Variants in GALNT10 observed in about 807,000 individuals in gnomAD.
GALNT10 encodes the protein GalNAc transferase 10.
GALNT10 carries 41 observed loss-of-function variants against 75.0 expected under a neutral mutation model. The observed-to-expected ratio is 0.55, with a 90% CI of 0.43 to 0.71. The LOEUF (loss-of-function observed/expected upper bound fraction) is 0.71. Among genes scored for constraint, GALNT10 ranks in the 30% least tolerant of loss-of-function variants. The probability of loss-of-function intolerance (pLI) is 0.00; values close to 1 mark genes in which losing one functional copy is unlikely to be tolerated. For missense variants in GALNT10, 727 were observed against 818.5 expected, an observed-to-expected ratio of 0.89 and a Z score of 1.36; for synonymous variants, 302 against 313.0, an observed-to-expected ratio of 0.96 and a Z score of 0.37.
At position 154,282,395 on chromosome 5, in the gene GALNT10, G is replaced by A. The variant is rs971982447; in HGVS notation, c.160-12421G>A. Among the ~76,000 whole-genome samples the A allele has an allele frequency of 3.3e-5, 5 of 152,244 alleles. No individual in the cohort carries two copies. In the South Asian group the frequency reaches 1.0e-3, roughly 32 times the overall value. ...CTCCTCCACTCGCCTCTCATTGACA[G>A]AACCCAATCAAGCCACATCTAGCTA... On this transcript the variant is annotated intron_variant, in intron 1 of 11. Transcript: ENST00000297107.
In GALNT10 at chr5:154,317,831, G is replaced by A. The variant is rs143567149; in HGVS notation, c.402-11741G>A. ...TAGACCTTGGCTTCAGTCATAGCTC[G>A]ATCCGGGTCCCCGACTGATGCCAGT... On this transcript the variant is annotated intron_variant, in intron 3 of 11. Coordinates refer to ENST00000297107, the MANE Select transcript of GALNT10 (RefSeq NM_198321.4). Among the ~76,000 whole-genome samples the A allele has an allele frequency of 5.2e-3, 796 of 152,308 alleles. 10 individuals are homozygous for A. The highest frequency in any genetic ancestry group is 0.018 in the African/African-American group (744 of 41,550).
At chr5:154,204,013 T>C (rs1371882278) in intron 1 of GALNT10, among the ~76,000 whole-genome samples, 2 of 152,180 alleles carry the variant, frequency 1.3e-5, no homozygotes. Context: ...GCAAAAGCAG[T>C]CAGCAAGCTG....
At position 154,190,825 on chromosome 5, in the gene GALNT10, C is replaced by G. The variant is rs567552556; in HGVS notation, c.-42C>G. On this transcript the variant is annotated 5_prime_UTR_variant, in exon 1 of 12. Coordinates refer to ENST00000297107, the MANE Select transcript of GALNT10 (RefSeq NM_198321.4). ...GGCGGACGCGCGGAGCTGGGGGCGG[C>G]GCGGCGGGGCCGGCGGGGCGCGGCG... The G allele has an allele frequency of 1.3e-5, 14 of 1,064,274 alleles. No homozygotes were observed. Among genetic ancestry groups the G allele is most frequent in the Non-Finnish European group, 1.5e-5 (13 of 874,134 alleles). 65.9% of individuals were successfully genotyped at this position (1,064,274 alleles called of 1,614,324 possible).
At chr5:154,212,684 C>T (rs1752782803) in intron 1 of GALNT10, among the ~76,000 whole-genome samples, 1 of 152,162 alleles carries the variant, frequency 6.6e-6, no homozygotes, top group Non-Finnish European at 1.5e-5. Context: ...ATCACAGGCT[C>T]CAGGCCGGGC....
intron 2 of GALNT10, among the ~76,000 whole-genome samples, chr5:154,297,423 G>A (rs1472975832): frequency 6.6e-6 from 1 of 152,220 alleles, no homozygotes; most frequent in Non-Finnish European, 1.5e-5. Context: ...TGTTTATGAG[G>A]TGTTTTGTAG....
intron 4 of GALNT10, among the ~76,000 whole-genome samples, chr5:154,333,991 A>G (rs1397206883): frequency 2.0e-5 from 3 of 152,220 alleles, no homozygotes; most frequent in Non-Finnish European, 4.4e-5. Flanking sequence ...AATTATGGAG[A>G]GGCCTGTCTA....
intron 10 of GALNT10, among the ~76,000 whole-genome samples, chr5:154,414,679 C>T (rs1011560580): frequency 6.6e-6 from 1 of 151,510 alleles, no homozygotes; most frequent in Non-Finnish European, 1.5e-5. Flanking sequence ...GATGGTTTCT[C>T]GGTGTAAACA....
At chr5:154,284,660 G>A (rs2113059750) in intron 1 of GALNT10, among the ~76,000 whole-genome samples, 1 of 152,302 alleles carries the variant, frequency 6.6e-6, no homozygotes. Flanking sequence ...CAGCTAGACT[G>A]AGATTTTCAA....
At chr5:154,231,475 T>C (rs951843094) in intron 1 of GALNT10, among the ~76,000 whole-genome samples, 8 of 152,226 alleles carry the variant, frequency 5.3e-5, no homozygotes, top group African/African-American at 1.9e-4. Context: ...GTATGGGTTA[T>C]GAGAGGGTGG....
intron 1 of GALNT10, among the ~76,000 whole-genome samples, chr5:154,218,863 C>T (rs1214534720): frequency 1.3e-5 from 2 of 152,108 alleles, no homozygotes; most frequent in South Asian, 2.1e-4. Context: ...CAGTGCTGTT[C>T]GCCACACTGG....
rs746161155 is a variant in GALNT10 at position 154,416,995 on chromosome 5, C to A, written c.*23C>A. The A allele has an allele frequency of 5.0e-6, 8 of 1,608,950 alleles. No individual in the cohort carries two copies. In the Admixed American group the frequency reaches 1.2e-4, roughly 23 times the overall value. The stretch of plus-strand genomic sequence containing the variant: ...TGAGCCCTCATGTCCCCTTGGCAGG[C>A]CCCCCAGGGTCTGGCACTCACTGCA... On this transcript the variant is annotated 3_prime_UTR_variant, in exon 12 of 12. Coordinates refer to ENST00000297107, the MANE Select transcript of GALNT10 (RefSeq NM_198321.4). This position sits in a 1 kb window ranked among gnomAD's most constrained non-coding sequence, Gnocchi z 4.5.
intron 2 of GALNT10, among the ~76,000 whole-genome samples, chr5:154,297,006 T>G (rs150404024): frequency 1.3e-5 from 2 of 152,198 alleles, no homozygotes; most frequent in Non-Finnish European, 2.9e-5. Context: ...AGTAAATAGG[T>G]GTTGCTCAGT....
intron 1 of GALNT10, among the ~76,000 whole-genome samples, chr5:154,271,950 A>G (rs1434389301): frequency 2.0e-5 from 3 of 152,172 alleles, no homozygotes; most frequent in South Asian, 2.1e-4. Flanking sequence ...TGAGACAGCT[A>G]TTTTCTCAGG....
At chr5:154,404,820 C>T (rs183611107) in intron 8 of GALNT10, among the ~76,000 whole-genome samples, 2 of 152,142 alleles carry the variant, frequency 1.3e-5, no homozygotes, top group Non-Finnish European at 2.9e-5. Flanking sequence ...CTTCTCCTCA[C>T]CCCCTGTCTA....
intron 2 of GALNT10, among the ~76,000 whole-genome samples, chr5:154,295,366 C>T (rs924022831): frequency 6.6e-6 from 1 of 152,100 alleles, no homozygotes; most frequent in African/African-American, 2.4e-5. Flanking sequence ...AACCTCAGAT[C>T]AACCTTTATG....
intron 3 of GALNT10, among the ~76,000 whole-genome samples, chr5:154,318,341 AT>A (rs1372064075): frequency 2.6e-5 from 4 of 152,222 alleles, no homozygotes; most frequent in African/African-American, 4.8e-5. Context: ...AGAAGCCACG[AT>A]TTCAAACACC....
chr5:154,389,197 T>A lies in GALNT10; in HGVS notation c.1056+2767T>A, dbSNP rs1755856971. 2.6e-5 allele frequency: 4 copies of A among 152,052 alleles called. No homozygotes were observed. The South Asian group carries it at 8.3e-4, about 32-fold the overall frequency. The allele number at this position is 152,052 out of a possible 1,614,324, so 9.4% of individuals were successfully genotyped here. ...CAGAAAAGACACTATGAGACCAATT[T>A]TTATGAGTCATAATTTTTATTATTG... is the stretch of plus-strand genomic sequence containing the variant. On this transcript the variant is annotated intron_variant, in intron 7 of 11. Coordinates refer to ENST00000297107, the MANE Select transcript of GALNT10 (RefSeq NM_198321.4).
intron 7 of GALNT10, among the ~76,000 whole-genome samples, chr5:154,396,944 TG>T (rs757617308): frequency 1.9e-4 from 29 of 151,924 alleles, no homozygotes; most frequent in Non-Finnish European, 3.1e-4. Context: ...CTGACCAACA[TG>T]GGGAAAACCT....
intron 1 of GALNT10, among the ~76,000 whole-genome samples, chr5:154,216,388 G>A (rs1271893127): frequency 6.6e-6 from 1 of 152,062 alleles, no homozygotes. Flanking sequence ...TTAAAAAAAT[G>A]TATCTACTTA....
Sources: gnomAD v4.1 joint callset for allele counts (sites outside exome capture counted in the v4.1 genomes callset) on GRCh38, gnomAD v4.1.1 for gene constraint, Gnocchi (gnomAD v3.1) non-coding constraint, MANE v1.5 for transcripts, NCBI Gene and HGNC (gene_info 2026-07-23, HGNC 2026-07-21) for gene names.